Variants in XPO7 observed in about 807,000 individuals in gnomAD.
The protein encoded by XPO7 is exportin-7.
A neutral mutation model predicts 144.3 loss-of-function variants in XPO7; 21 were observed. The observed-to-expected ratio is 0.15, with a 90% confidence interval of 0.10 to 0.21. XPO7 has a LOEUF of 0.21. Ranked by LOEUF, XPO7 falls within the 10% of genes least tolerant of loss-of-function variation. The probability of loss-of-function intolerance (pLI) is 1.00; values close to 1 mark genes in which losing one functional copy is unlikely to be tolerated. For missense variants in XPO7, 808 were observed against 1,325.8 expected (o/e 0.61, Z 6.06); for synonymous variants, 580 against 499.6 (o/e 1.16, Z -2.15).
chr8:21,932,159 C>T (rs1325589082), intron 1 of XPO7, among the ~76,000 whole-genome samples: 3 of 152,218 alleles, frequency 2.0e-5, no homozygotes, highest in Non-Finnish European at 4.4e-5. Context: ...TGAGCCACCA[C>T]GCCTGGCCAG....
chr8:21,968,970 T>C (rs965836802), intron 2 of XPO7, among the ~76,000 whole-genome samples: 1 of 152,238 alleles, frequency 6.6e-6, no homozygotes, highest in Admixed American at 6.5e-5. Context: ...CCCAGCCCAA[T>C]AGCTGATTGA....
intron 5 of XPO7, among the ~76,000 whole-genome samples, chr8:21,972,176 CT>C (rs879403891): frequency 1.2e-3 from 173 of 144,524 alleles, no homozygotes; most frequent in East Asian, 5.8e-3. Flanking sequence ...TCCATCTTAG[CT>C]TTTTTTTTTT....
chr8:21,927,177 A>G (rs1428572741), intron 1 of XPO7, among the ~76,000 whole-genome samples: 2 of 152,162 alleles, frequency 1.3e-5, no homozygotes, highest in East Asian at 3.9e-4. Flanking sequence ...ACTTGGGTAC[A>G]GGAGTTCAAG....
At chr8:21,950,872 A>G (rs1811346731) in intron 1 of XPO7, among the ~76,000 whole-genome samples, 1 of 152,090 alleles carries the variant, frequency 6.6e-6, no homozygotes, top group Admixed American at 6.6e-5. Flanking sequence ...GTATAATCCC[A>G]GCACTTTGGG....
At chr8:21,937,118 C>A (rs1256328125) in intron 1 of XPO7, among the ~76,000 whole-genome samples, 1 of 152,094 alleles carries the variant, frequency 6.6e-6, no homozygotes, top group South Asian at 2.1e-4. Context: ...TTCAAAACTG[C>A]TTATCTTGTG....
At chr8:21,919,939 G>GC (rs1387749741) in intron 1 of XPO7, among the ~76,000 whole-genome samples, 151 bp downstream of exon 1, 1 of 151,538 alleles carries the variant, frequency 6.6e-6, no homozygotes, top group African/African-American at 2.4e-5. Context: ...CCGTCCCGGA[G>GC]CCCCGGGGCC....
intron 1 of XPO7, among the ~76,000 whole-genome samples, chr8:21,956,396 T>C (rs554784864): frequency 6.6e-5 from 10 of 152,252 alleles, no homozygotes; most frequent in East Asian, 5.8e-4. Flanking sequence ...GTGCCTCGGG[T>C]GTGGGTTGAC....
intron 1 of XPO7, among the ~76,000 whole-genome samples, chr8:21,962,673 C>G (rs1331678883): frequency 6.6e-6 from 1 of 152,124 alleles, no homozygotes; most frequent in Non-Finnish European, 1.5e-5. Flanking sequence ...TTCTCACTTC[C>G]CAGAGACAAT....
chr8:21,974,165 A>G (rs931099676), intron 5 of XPO7, among the ~76,000 whole-genome samples: 3 of 152,124 alleles, frequency 2.0e-5, no homozygotes, highest in Non-Finnish European at 4.4e-5. Flanking sequence ...TAGGACTTAC[A>G]GGCATGCACC....
At chr8:21,970,019 A>C (rs1284668752) in intron 3 of XPO7, 125 bp from the exon 4 acceptor site, 1 of 1,071,024 alleles carries the variant, frequency 9.3e-7, no homozygotes, top group African/African-American at 1.6e-5. Context: ...TAATTAAGAC[A>C]GTTTGGGTTA....
At chr8:21,987,072 A>T (rs758411786) in intron 13 of XPO7, 69 bp from the exon 14 acceptor site, 247 of 1,601,666 alleles carry the variant, frequency 1.5e-4, no homozygotes, top group Non-Finnish European at 1.8e-4. Context: ...CCATGTCAAG[A>T]TAGCTTGGGT....
In XPO7 at chr8:21,974,773, A is replaced by G; in HGVS notation, c.596A>G (p.Gln199Arg). ...IFTLSCNLLK[Q>R]ASGKNLNLND... ...ACACTTTCCTGCAATTTACTAAAAC[A>G]GGTGAGCATGTAGTTTGGGTCATAT... The change falls in exon 6 of 28, where the codon CAG becomes CGG. Residue 199 changes from glutamine (Q) to arginine (R), a missense_variant and splice_region_variant. This residue lies in a region of XPO7 where 223 missense variants were observed against 368.8 expected (regional missense o/e 0.60). Transcript: ENST00000252512. The G allele has an allele frequency of 1.3e-6, 2 of 1,561,896 alleles. No homozygotes were observed. The highest frequency in any genetic ancestry group is 1.7e-6 in the Non-Finnish European group (2 of 1,151,522).
In XPO7 at chr8:22,002,235, T is replaced by C; in HGVS notation, c.2906T>C (p.Leu969Pro). 6.2e-7 allele frequency: 1 copy of C among 1,613,216 alleles called. No homozygotes were observed. Among genetic ancestry groups the C allele is most frequent in the Non-Finnish European group, 8.5e-7 (1 of 1,179,608 alleles). The change falls in exon 25 of 28, where the codon CTG becomes CCG. Residue 969 changes from leucine to proline, a missense_variant. Coordinates refer to ENST00000252512, the MANE Select transcript of XPO7 (RefSeq NM_015024.5). The stretch of plus-strand genomic sequence containing the variant: ...CTGAACCAGGAGAGCGACCGCTTTC[T>C]GCACATCATGCAGCAGCATCCAGAG... ...TPLNQESDRF[L>P]HIMQQHPEMI... is the part of the protein sequence containing the mutation.
chr8:21,946,093 G>A (rs1341225396), intron 1 of XPO7, among the ~76,000 whole-genome samples: 1 of 152,106 alleles, frequency 6.6e-6, no homozygotes, highest in Non-Finnish European at 1.5e-5. Context: ...CATATGATGA[G>A]CTTATAAACA....
At chr8:21,954,076 A>G (rs1043675626) in intron 1 of XPO7, among the ~76,000 whole-genome samples, 5 of 152,210 alleles carry the variant, frequency 3.3e-5, no homozygotes, top group African/African-American at 1.2e-4. Flanking sequence ...GGGCCAGTTT[A>G]TGTATTTGGC....
chr8:21,941,118 G>A (rs1003141095), intron 1 of XPO7, among the ~76,000 whole-genome samples: 10 of 148,674 alleles, frequency 6.7e-5, no homozygotes, highest in South Asian at 2.1e-4. Context: ...TATAACAAGC[G>A]TATCCTCCTA....
chr8:21,983,223 T>C (rs1023641530), intron 11 of XPO7, among the ~76,000 whole-genome samples: 1 of 152,252 alleles, frequency 6.6e-6, no homozygotes, highest in Non-Finnish European at 1.5e-5. Flanking sequence ...TTATCAATTC[T>C]AATTCCAGAG....
intron 1 of XPO7, among the ~76,000 whole-genome samples, chr8:21,943,114 A>G (rs115026202): frequency 2.4e-3 from 362 of 152,218 alleles, no homozygotes; most frequent in African/African-American, 8.0e-3. Flanking sequence ...CAGACCTCCT[A>G]AGTTTCAGTA....
At chr8:21,967,873 T>G (rs1225184932) in intron 2 of XPO7, among the ~76,000 whole-genome samples, 1 of 152,170 alleles carries the variant, frequency 6.6e-6, no homozygotes, top group Non-Finnish European at 1.5e-5. Context: ...ATCACTATCT[T>G]TGGCAAGATG....
Sources: gnomAD v4.1 joint callset for allele counts (sites outside exome capture counted in the v4.1 genomes callset) on GRCh38, gnomAD v4.1.1 for gene constraint, gnomAD v4.1.1 regional missense constraint, MANE v1.5 for transcripts, NCBI Gene and HGNC (gene_info 2026-07-23, HGNC 2026-07-21) for gene names.